The following SUSD1 variants were observed in gnomAD, a reference collection of about 807,000 sequenced individuals.
SUSD1 encodes the protein sushi domain containing 1, also known as sushi domain-containing protein 1.
A neutral mutation model predicts 86.9 loss-of-function variants in SUSD1; 65 were observed. The ratio of observed to expected loss-of-function variants is 0.75; its 90% CI spans 0.61 to 0.92. The LOEUF (loss-of-function observed/expected upper bound fraction) is 0.92, where lower values mean the gene tolerates loss of function less well. Ranked by LOEUF, SUSD1 falls within the 40% of genes least tolerant of loss-of-function variation. The pLI, the probability that SUSD1 is intolerant of heterozygous loss-of-function variation, is 0.00. For missense variants in SUSD1, 850 were observed against 929.7 expected (o/e 0.91, Z 1.11); for synonymous variants, 346 against 350.0 (o/e 0.99, Z 0.13).
intron 12 of SUSD1, among the ~76,000 whole-genome samples, chr9:112,072,867 CCT>C (rs1450759759): frequency 2.6e-5 from 4 of 152,222 alleles, no homozygotes; most frequent in Non-Finnish European, 4.4e-5. Flanking sequence ...AAGGCCAGTC[CCT>C]CTGCTGACCT....
At chr9:112,123,549 C>T (rs1831637275) in intron 6 of SUSD1, among the ~76,000 whole-genome samples, 1 of 152,170 alleles carries the variant, frequency 6.6e-6, no homozygotes, top group Non-Finnish European at 1.5e-5. Context: ...CCTGTAATCC[C>T]AGCACTTTAG....
At chr9:112,064,058 G>C (rs979114961) in intron 12 of SUSD1, among the ~76,000 whole-genome samples, 2 of 126,612 alleles carry the variant, frequency 1.6e-5, no homozygotes, top group South Asian at 3.1e-4. Flanking sequence ...GGGGGGGGGC[G>C]GGTGGGGGCT....
Position 112,141,859 on chromosome 9 carries a change from A to G in SUSD1, c.706+461T>C, listed in dbSNP as rs573145134. 4.0e-3 allele frequency among the ~76,000 whole-genome samples: 573 copies of G among 141,978 alleles called. 1 individual carries two copies. The highest frequency in any genetic ancestry group is 0.023 in the Middle Eastern group (6 of 264). The allele number at this position is 141,978 out of a possible 152,430, so 93.1% of individuals were successfully genotyped here. A position where few individuals can be genotyped will look rare whatever the true frequency, so the allele number is the denominator to read the frequency against. ...ACATGACGTTTTTATATATATATGT[A>G]TATATATACATATATGTGTGTGTAT... On this transcript the variant is annotated intron_variant, in intron 5 of 16. Transcript: ENST00000374270.
At chr9:112,105,583 G>A (rs1467747890) in intron 8 of SUSD1, among the ~76,000 whole-genome samples, 1 of 152,130 alleles carries the variant, frequency 6.6e-6, no homozygotes, top group Non-Finnish European at 1.5e-5. Flanking sequence ...GCTGGGCATG[G>A]TGACACAAGC....
intron 1 of SUSD1, among the ~76,000 whole-genome samples, chr9:112,162,860 G>C (rs1343520471): frequency 6.6e-6 from 1 of 152,176 alleles, no homozygotes; most frequent in Admixed American, 6.5e-5. Context: ...CCAAATCGCT[G>C]TGGCATATGC....
At chr9:112,106,768 T>TG (rs142936129) in intron 8 of SUSD1, among the ~76,000 whole-genome samples, 2,949 of 84,906 alleles carry the variant, frequency 0.035, 274 homozygotes, top group African/African-American at 0.15. Flanking sequence ...AAAGGAATGC[T>TG]AACTTATCTC....
At chr9:112,158,685 C>T (rs1192777189) in intron 1 of SUSD1, among the ~76,000 whole-genome samples, 1 of 152,156 alleles carries the variant, frequency 6.6e-6, no homozygotes, top group East Asian at 1.9e-4. Flanking sequence ...AGCCAATGCG[C>T]CCGGCCCATT....
intron 12 of SUSD1, among the ~76,000 whole-genome samples, chr9:112,071,296 T>C (rs962091105): frequency 1.3e-5 from 2 of 151,906 alleles, no homozygotes; most frequent in African/African-American, 2.4e-5. Context: ...ACCTCATCTT[T>C]ACAAAAAGAA....
Position 112,041,915 on chromosome 9 carries a change from GAACCCAGTCC to G in SUSD1, c.2185_2194del (p.Gly729ProfsTer5). 6.2e-7 allele frequency: 1 copy of G among 1,614,038 alleles called. No individual in the cohort carries two copies. The highest frequency in any genetic ancestry group is 8.5e-7 in the Non-Finnish European group (1 of 1,179,948). ...TGTGAGAATGATCACAACAGCCAGG[GAACCCAGTCC>G]AACACCCGCCATCTGCAGCAGCATG... On this transcript the variant is annotated frameshift_variant, in exon 16 of 17. Transcript: ENST00000374270. LOFTEE classifies it high-confidence loss of function.
chr9:112,130,716 T>G (rs1333994461), intron 5 of SUSD1, among the ~76,000 whole-genome samples: 2 of 151,924 alleles, frequency 1.3e-5, no homozygotes, highest in African/African-American at 4.8e-5. Flanking sequence ...CTACCTTATT[T>G]ATTACAACAG....
At chr9:112,045,594 C>G (rs1564240595) in intron 15 of SUSD1, among the ~76,000 whole-genome samples, 1 of 152,158 alleles carries the variant, frequency 6.6e-6, no homozygotes, top group African/African-American at 2.4e-5. Context: ...GCTCTTAAAG[C>G]TCCTGACTCC....
intron 12 of SUSD1, among the ~76,000 whole-genome samples, chr9:112,077,553 C>G (rs995265249): frequency 2.8e-5 from 3 of 105,600 alleles, no homozygotes; most frequent in South Asian, 6.5e-4. Context: ...GCTCTTGTTG[C>G]CTAGGCTGGA....
chr9:112,169,764 T>C (rs749893978), intron 1 of SUSD1, among the ~76,000 whole-genome samples: 25 of 148,658 alleles, frequency 1.7e-4, no homozygotes, highest in Admixed American at 1.4e-3. Flanking sequence ...AACCTCCACC[T>C]CCCGGGTTCA....
intron 5 of SUSD1, chr9:112,137,722 A>G (rs773730236): frequency 7.2e-5 from 11 of 152,186 alleles, no homozygotes; most frequent in Non-Finnish European, 1.6e-4. Context: ...AATAAATTCA[A>G]TGAAAATTGT....
At chr9:112,154,169 C>G (rs1280971948) in intron 2 of SUSD1, among the ~76,000 whole-genome samples, 2 of 151,866 alleles carry the variant, frequency 1.3e-5, no homozygotes, top group African/African-American at 4.8e-5. Flanking sequence ...ATGTAATTGG[C>G]TTTGGAACAT....
intron 12 of SUSD1, among the ~76,000 whole-genome samples, chr9:112,068,348 G>C (rs1353275486): frequency 2.0e-5 from 3 of 152,278 alleles, no homozygotes; most frequent in South Asian, 2.1e-4. Context: ...AGGTGGTCAA[G>C]TTAGAGGGGT....
rs373788043 is a variant in SUSD1, at chr9:112,157,550, A to C, written c.167T>G (p.Ile56Ser). The change falls in exon 2 of 17, where the codon ATC becomes AGC. Residue 56 changes from isoleucine (I) to serine (S), a missense_variant. Ile to Ser is a moderately radical substitution (Grantham distance 142). Transcript: ENST00000374270. ...ATCQQREGKK[I>S]CICNYGFVGN... Reference sequence around the variant, plus strand: ...TACAAATCCATAGTTGCAAATACAGATCTTCTTCCCTTCTCTTTGCTGGCA... The same window carrying C: ...TACAAATCCATAGTTGCAAATACAGCTCTTCTTCCCTTCTCTTTGCTGGCA... 3.1e-6 allele frequency: 5 copies of C among 1,614,028 alleles called. No individual in the cohort carries two copies. In the African/African-American group the frequency reaches 4.0e-5, roughly 13 times the overall value.
At chr9:112,141,962 C>T (rs981880509) in intron 5 of SUSD1, among the ~76,000 whole-genome samples, 7 of 147,384 alleles carry the variant, frequency 4.7e-5, no homozygotes, top group African/African-American at 1.7e-4. Context: ...CATCAAAAAA[C>T]TAACATCAGG....
intron 9 of SUSD1, among the ~76,000 whole-genome samples, chr9:112,100,121 T>C (rs538612449): frequency 1.8e-4 from 28 of 152,348 alleles, no homozygotes; most frequent in African/African-American, 5.3e-4. Flanking sequence ...CGCTTTTAAA[T>C]ATTGACTTTT....
Sources: allele counts gnomAD v4.1 joint callset (sites outside exome capture counted in the v4.1 genomes callset), GRCh38; gene constraint gnomAD v4.1.1; transcripts MANE v1.5; gene names NCBI Gene and HGNC (gene_info 2026-07-23, HGNC 2026-07-21).